The following GABRG1 variants were observed in gnomAD, a reference collection of about 807,000 sequenced individuals.
GABRG1 encodes the protein gamma-aminobutyric acid receptor subunit gamma-1.
GABRG1 carries 49 observed loss-of-function variants against 49.8 expected under a neutral mutation model. That is an observed-to-expected ratio of 0.98 (90% CI 0.78 to 1.25). The LOEUF is 1.25. Ranked by LOEUF, GABRG1 falls within the 50% of genes most tolerant of loss-of-function variation. GABRG1 has a pLI of 0.00. For synonymous variants in GABRG1, 232 were observed against 185.1 expected (o/e 1.25, Z -2.06); for missense variants, 552 against 552.3 (o/e 1.00, Z 0.01).
chr4:46,065,233 T>C (rs1017091654), intron 4 of GABRG1, 131 bp downstream of exon 4: 12 of 586,668 alleles, frequency 2.0e-5, no homozygotes, highest in Admixed American at 9.8e-5. Flanking sequence ...TTCACCATTT[T>C]ATATTTTAGC....
chr4:46,063,672 T>G (rs1347803336), intron 5 of GABRG1, among the ~76,000 whole-genome samples: 4 of 151,982 alleles, frequency 2.6e-5, no homozygotes, highest in Admixed American at 6.6e-5. Flanking sequence ...AAGCCAAAAT[T>G]GACAAATGGG....
Position 46,110,603 on chromosome 4 carries a change from A to C in GABRG1, c.104+13207T>G, listed in dbSNP as rs539366264. 1.7e-3 allele frequency among the ~76,000 whole-genome samples: 264 copies of C among 151,400 alleles called. 2 individuals are homozygous for C. Among genetic ancestry groups the C allele is most frequent in the African/African-American group, 6.1e-3 (253 of 41,436 alleles). ...GATGAACATAGATGCAAAAACCCTC[A>C]AAATAAATAAGGCAAACTGAACCCA... is the stretch of plus-strand genomic sequence containing the variant. On this transcript the variant is annotated intron_variant, in intron 1 of 8. Transcript: ENST00000295452.
chr4:46,043,102 TA>T (rs1056944259), intron 8 of GABRG1, among the ~76,000 whole-genome samples: 6 of 151,944 alleles, frequency 3.9e-5, no homozygotes, highest in Non-Finnish European at 7.4e-5. Flanking sequence ...AAATTAATTT[TA>T]AAAAATTGTT....
At chr4:46,090,995 C>CACA in intron 2 of GABRG1, among the ~76,000 whole-genome samples, 1 of 148,044 alleles carries the variant, frequency 6.8e-6, no homozygotes, top group South Asian at 2.2e-4. Context: ...CACACACACA[C>CACA]GGAATTTAAT....
chr4:46,059,484 T>G (rs1577638126), intron 5 of GABRG1, among the ~76,000 whole-genome samples: 1 of 151,976 alleles, frequency 6.6e-6, no homozygotes, highest in Non-Finnish European at 1.5e-5. Context: ...GCCGCCCAGG[T>G]TCAAGCAATT....
chr4:46,067,370 G>A (rs775679087), intron 3 of GABRG1, among the ~76,000 whole-genome samples: 9 of 151,984 alleles, frequency 5.9e-5, no homozygotes, highest in Admixed American at 1.3e-4. Context: ...AGTATGAGAT[G>A]TATGTTTTAT....
rs778839149 is a variant in GABRG1 at position 46,092,332 on chromosome 4, AC to A, written c.253+4868del. On this transcript the variant is annotated intron_variant, in intron 2 of 8. Transcript: ENST00000295452. The stretch of plus-strand genomic sequence containing the variant: ...CATATGGACATAATAGCAAAATGAC[AC>A]TGTAGTTTATGGAAAAAGGTTTGAA... Among the ~76,000 whole-genome samples, 163 of 152,164 alleles carry A rather than the reference AC, an allele frequency of 1.1e-3. 1 individual carries two copies. The highest frequency in any genetic ancestry group is 3.3e-3 in the Admixed American group (50 of 15,276).
intron 1 of GABRG1, among the ~76,000 whole-genome samples, chr4:46,097,995 A>G (rs1319629849): frequency 6.6e-6 from 1 of 151,738 alleles, no homozygotes; most frequent in Non-Finnish European, 1.5e-5. Flanking sequence ...AGGAGGCATA[A>G]CTATCACATT....
At chr4:46,067,205 A>G (rs1718950609) in intron 3 of GABRG1, among the ~76,000 whole-genome samples, 1 of 152,098 alleles carries the variant, frequency 6.6e-6, no homozygotes, top group Non-Finnish European at 1.5e-5. Flanking sequence ...TTCCAGGCAT[A>G]CTACTTATAA....
chr4:46,117,586 CTCTT>C (rs1299625787), intron 1 of GABRG1, among the ~76,000 whole-genome samples: 2 of 143,316 alleles, frequency 1.4e-5, no homozygotes, highest in Non-Finnish European at 3.1e-5. Flanking sequence ...CTCTCTGTCT[CTCTT>C]TGTCTCTCTC....
chr4:46,103,592 C>A (rs1366314407), intron 1 of GABRG1, among the ~76,000 whole-genome samples: 2 of 151,286 alleles, frequency 1.3e-5, no homozygotes, highest in Non-Finnish European at 3.0e-5. Flanking sequence ...AATATAAAAT[C>A]CAGATAATAG....
rs140674418 is a variant in GABRG1, at chr4:46,040,864, A to G, written c.*124T>C. The G allele has an allele frequency of 4.3e-5, 44 of 1,015,510 alleles. 1 individual carries two copies. The African/African-American group carries it at 5.8e-4, about 13-fold the overall frequency. 62.9% of individuals were successfully genotyped at this position (1,015,510 alleles called of 1,614,324 possible). The stretch of plus-strand genomic sequence containing the variant: ...TTCTGAAGGCCTTAAAATAGTTACA[A>G]TACTATTCACATTTTAACCATTGGT... On this transcript the variant is annotated 3_prime_UTR_variant, in exon 9 of 9. Transcript: ENST00000295452.
At chr4:46,081,299 C>A (rs1387865970) in intron 3 of GABRG1, among the ~76,000 whole-genome samples, 2 of 151,828 alleles carry the variant, frequency 1.3e-5, no homozygotes, top group Non-Finnish European at 2.9e-5. Context: ...TAATTTAAGA[C>A]TAACTTCTAG....
In GABRG1 at chr4:46,117,406, C is replaced by T. The variant is rs551233878; in HGVS notation, c.104+6404G>A. On this transcript the variant is annotated intron_variant, in intron 1 of 8. Transcript: ENST00000295452. Reference sequence around the variant, plus strand: ...TCAAAATTAAACTAAATTATATAGCCTTCAATAGGATGTTTCTATTTTAAT... The same window carrying T: ...TCAAAATTAAACTAAATTATATAGCTTTCAATAGGATGTTTCTATTTTAAT... 9.3e-5 allele frequency among the ~76,000 whole-genome samples: 14 copies of T among 150,078 alleles called. No individual in the cohort carries two copies. The Middle Eastern group carries it at 0.01, about 110-fold the overall frequency.
In GABRG1 at chr4:46,035,855, T is replaced by C. The variant is rs914862076; in HGVS notation, c.*5133A>G. ...CATGAGAGTAAAGAACACTGAAAAA[T>C]TGAGACACCTTTGCCACAAAATTAC... On this transcript the variant is annotated 3_prime_UTR_variant, in exon 9 of 9. Coordinates refer to ENST00000295452, the MANE Select transcript of GABRG1 (RefSeq NM_173536.4). 1 of 151,878 alleles carries C rather than the reference T, an allele frequency of 6.6e-6. No homozygotes were observed. The highest frequency in any genetic ancestry group is 2.4e-5 in the African/African-American group (1 of 41,396). 9.4% of individuals were successfully genotyped at this position (151,878 alleles called of 1,614,324 possible).
intron 2 of GABRG1, among the ~76,000 whole-genome samples, chr4:46,084,687 G>A (rs192734954): frequency 6.6e-6 from 1 of 151,602 alleles, no homozygotes; most frequent in Non-Finnish European, 1.5e-5. Context: ...TTATTATATT[G>A]CATACGTATT....
chr4:46,085,168 C>G (rs1719709138), intron 2 of GABRG1, among the ~76,000 whole-genome samples: 1 of 151,120 alleles, frequency 6.6e-6, no homozygotes, highest in Non-Finnish European at 1.5e-5. Context: ...TGAACGTTGT[C>G]TACATTGAGA....
chr4:46,060,142 A>T (rs1001374972), intron 5 of GABRG1, among the ~76,000 whole-genome samples: 14 of 152,080 alleles, frequency 9.2e-5, no homozygotes, highest in Admixed American at 8.5e-4. Context: ...AGTGAAAGAA[A>T]TTTGGGCTAA....
At chr4:46,083,814 A>G (rs867605276) in intron 3 of GABRG1, among the ~76,000 whole-genome samples, 172 bp downstream of exon 3, 4 of 151,574 alleles carry the variant, frequency 2.6e-5, no homozygotes, top group Middle Eastern at 3.2e-3. Context: ...AGATTCTTAG[A>G]TACAGGTATA....
Sources: gnomAD v4.1 joint callset for allele counts (sites outside exome capture counted in the v4.1 genomes callset) on GRCh38, gnomAD v4.1.1 for gene constraint, MANE v1.5 for transcripts, NCBI Gene and HGNC (gene_info 2026-07-23, HGNC 2026-07-21) for gene names.